CDH12: variants seen among roughly 807,000 people sequenced by gnomAD.
CDH12 encodes cadherin-12.
CDH12 carries 41 observed loss-of-function variants against 74.1 expected under a neutral mutation model. The observed-to-expected ratio is 0.55, with a 90% CI of 0.43 to 0.72. CDH12 has a LOEUF of 0.72. CDH12 is among the 30% of genes least tolerant of loss of function. The probability of loss-of-function intolerance (pLI) is 0.00; values close to 1 mark genes in which losing one functional copy is unlikely to be tolerated. For synonymous variants in CDH12, 399 were observed against 355.0 expected, an observed-to-expected ratio of 1.12 and a Z score of -1.39; for missense variants, 945 against 977.2, an observed-to-expected ratio of 0.97 and a Z score of 0.44.
chr5:22,845,341 C>G (rs1015283125), intron 1 of CDH12, among the ~76,000 whole-genome samples: 1 of 152,094 alleles, frequency 6.6e-6, no homozygotes, highest in Admixed American at 6.6e-5. Flanking sequence ...CTATAATTCA[C>G]GAGTATGTCT....
chr5:22,807,828 G>A (rs1020217167), intron 1 of CDH12, among the ~76,000 whole-genome samples: 1 of 152,058 alleles, frequency 6.6e-6, no homozygotes, highest in Non-Finnish European at 1.5e-5. Context: ...TCCTGAAGTT[G>A]CTCTGGGTGT....
chr5:22,042,889 C>CAAAAGA (rs1561050776), intron 5 of CDH12, among the ~76,000 whole-genome samples: 1 of 56,060 alleles, frequency 1.8e-5, no homozygotes, highest in Non-Finnish European at 4.2e-5. Context: ...GATTCTATCT[C>CAAAAGA]AAAAAAAAAA....
intron 3 of CDH12, among the ~76,000 whole-genome samples, chr5:22,265,709 T>G (rs1349514526): frequency 1.3e-5 from 2 of 152,190 alleles, no homozygotes; most frequent in African/African-American, 4.8e-5. Context: ...AAGTAGAAAT[T>G]AACTCAAGTG....
chr5:22,023,592 T>TAC (rs973945896), intron 5 of CDH12, among the ~76,000 whole-genome samples: 7 of 151,648 alleles, frequency 4.6e-5, no homozygotes, highest in African/African-American at 1.5e-4. Flanking sequence ...TATATATATA[T>TAC]ACACACACAC....
At chr5:22,450,456 T>C (rs1252415952) in intron 2 of CDH12, among the ~76,000 whole-genome samples, 3 of 151,896 alleles carry the variant, frequency 2.0e-5, no homozygotes, top group South Asian at 2.1e-4. Context: ...GCCAGAAATA[T>C]GACATTTTTA....
chr5:22,116,559 C>T (rs182608169), intron 4 of CDH12, among the ~76,000 whole-genome samples: 25 of 151,624 alleles, frequency 1.6e-4, no homozygotes, highest in Admixed American at 8.5e-4. Flanking sequence ...TAGCCGAGAT[C>T]GTGCCAATGC....
chr5:21,929,213 A>T (rs897195144), intron 6 of CDH12, among the ~76,000 whole-genome samples: 1 of 151,938 alleles, frequency 6.6e-6, no homozygotes, highest in Non-Finnish European at 1.5e-5. Flanking sequence ...TGGTGGGTGG[A>T]GGGGGATGGT....
At chr5:22,806,729 A>T (rs1441547853) in intron 1 of CDH12, among the ~76,000 whole-genome samples, 2 of 152,130 alleles carry the variant, frequency 1.3e-5, no homozygotes, top group Admixed American at 6.5e-5. Context: ...ATGACCAGTG[A>T]TGATGAGCTT....
intron 1 of CDH12, among the ~76,000 whole-genome samples, chr5:22,565,658 T>A (rs1328587006): frequency 1.3e-5 from 2 of 152,104 alleles, no homozygotes; most frequent in African/African-American, 4.8e-5. Flanking sequence ...TGGGGGTATT[T>A]GCCTATAATA....
intron 1 of CDH12, among the ~76,000 whole-genome samples, chr5:22,550,093 C>T (rs544647319): frequency 1.8e-4 from 27 of 152,324 alleles, no homozygotes; most frequent in African/African-American, 5.3e-4. Context: ...GCTTCCGTTT[C>T]TTGAAATCTG....
intron 10 of CDH12, among the ~76,000 whole-genome samples, chr5:21,793,822 G>T (rs1014301408): frequency 1.3e-5 from 2 of 151,328 alleles, no homozygotes; most frequent in Non-Finnish European, 3.0e-5. Context: ...CTTATGAAAT[G>T]ATTCATTTCT....
chr5:22,320,922 T>C (rs1738849654), intron 3 of CDH12, among the ~76,000 whole-genome samples: 1 of 152,226 alleles, frequency 6.6e-6, no homozygotes, highest in Admixed American at 6.5e-5. Flanking sequence ...ATAATAACAA[T>C]GCAGTGTATC....
At chr5:21,834,499 A>G (rs1749422847) in intron 8 of CDH12, among the ~76,000 whole-genome samples, 1 of 151,942 alleles carries the variant, frequency 6.6e-6, no homozygotes. Flanking sequence ...CAGATTAGGT[A>G]AATTTGTTAT....
chr5:21,776,600 T>C (rs1028873156), intron 11 of CDH12, among the ~76,000 whole-genome samples: 6 of 152,182 alleles, frequency 3.9e-5, no homozygotes, highest in African/African-American at 1.4e-4. Context: ...TTTTAGGATA[T>C]TTGTGACTTC....
chr5:22,274,539 C>A (rs1489314219), intron 3 of CDH12, among the ~76,000 whole-genome samples: 1 of 151,998 alleles, frequency 6.6e-6, no homozygotes, highest in Non-Finnish European at 1.5e-5. Flanking sequence ...ATATTAACCA[C>A]AAACATGAAT....
At chr5:22,504,590 A>G (rs1303994442) in intron 2 of CDH12, among the ~76,000 whole-genome samples, 1 of 152,074 alleles carries the variant, frequency 6.6e-6, no homozygotes, top group African/African-American at 2.4e-5. Flanking sequence ...AGCCTAAGTA[A>G]GGGTAGATTC....
chr5:22,250,626 T>A (rs1044208292), intron 3 of CDH12, among the ~76,000 whole-genome samples: 1 of 152,222 alleles, frequency 6.6e-6, no homozygotes, highest in Admixed American at 6.6e-5. Flanking sequence ...AATAAAAGCA[T>A]GTAGGAAATA....
At chr5:22,118,047 C>G (rs906193166) in intron 4 of CDH12, among the ~76,000 whole-genome samples, 2 of 152,050 alleles carry the variant, frequency 1.3e-5, no homozygotes, top group Non-Finnish European at 2.9e-5. Context: ...TAGAACCATC[C>G]AGAATCAAGC....
intron 1 of CDH12, among the ~76,000 whole-genome samples, chr5:22,542,101 G>A (rs1337278658): frequency 6.6e-6 from 1 of 152,142 alleles, no homozygotes; most frequent in East Asian, 1.9e-4. Context: ...TTAAAAGATG[G>A]TATTTTCCTG....
Sources: allele counts gnomAD v4.1 joint callset (sites outside exome capture counted in the v4.1 genomes callset), GRCh38; gene constraint gnomAD v4.1.1; transcripts MANE v1.5; gene names NCBI Gene and HGNC (gene_info 2026-07-23, HGNC 2026-07-21).